EFHD1: variants seen among roughly 807,000 people sequenced by gnomAD.
EFHD1 encodes EF-hand domain family member D1, also known as EF-hand domain-containing protein D1.
EFHD1 carries 10 observed loss-of-function variants against 17.2 expected under a neutral mutation model. That is an observed-to-expected ratio of 0.58 (90% CI 0.36 to 0.99). The LOEUF is 0.99. Ranked by LOEUF, EFHD1 falls within the 50% of genes least tolerant of loss-of-function variation. EFHD1 has a pLI of 0.01. For synonymous variants in EFHD1, 153 were observed against 142.0 expected (o/e 1.08, Z -0.55); for missense variants, 310 against 327.5 (o/e 0.95, Z 0.41).
intron 2 of EFHD1, 43 bp downstream of exon 2, chr2:232,662,992 G>T: frequency 6.6e-7 from 1 of 1,513,864 alleles, no homozygotes; most frequent in South Asian, 1.4e-5. Flanking sequence ...GGGTGCCCCT[G>T]AGAGGACCTT....
chr2:232,653,677 G>A (rs1019185398), intron 1 of EFHD1, among the ~76,000 whole-genome samples: 1 of 152,190 alleles, frequency 6.6e-6, no homozygotes, highest in Admixed American at 6.5e-5. Flanking sequence ...AGCCCTGACT[G>A]AGCAGCTGGG....
At chr2:232,680,553 A>T (rs1018727604) in intron 3 of EFHD1, among the ~76,000 whole-genome samples, 1 of 152,172 alleles carries the variant, frequency 6.6e-6, no homozygotes, top group Non-Finnish European at 1.5e-5. Flanking sequence ...CTGTATTTTT[A>T]AAAATTATTA....
chr2:232,641,785 C>T (rs917968298), intron 1 of EFHD1, among the ~76,000 whole-genome samples: 5 of 152,358 alleles, frequency 3.3e-5, no homozygotes, highest in African/African-American at 4.8e-5. Flanking sequence ...TCTCACTTCT[C>T]GGCCTTTCCT....
intron 1 of EFHD1, among the ~76,000 whole-genome samples, chr2:232,641,616 T>C (rs193018474): frequency 1.3e-3 from 200 of 152,332 alleles, no homozygotes; most frequent in Non-Finnish European, 9.4e-4. Flanking sequence ...CATTGTGATA[T>C]GAAAGCAGCC....
intron 1 of EFHD1, among the ~76,000 whole-genome samples, chr2:232,640,293 G>C (rs1336106223): frequency 1.3e-5 from 2 of 152,096 alleles, no homozygotes; most frequent in Admixed American, 1.3e-4. Context: ...TTAGCATGGG[G>C]CTACATTATG....
At chr2:232,640,186 A>G (rs1694402797) in intron 1 of EFHD1, among the ~76,000 whole-genome samples, 2 of 152,198 alleles carry the variant, frequency 1.3e-5, no homozygotes, top group East Asian at 1.9e-4. Flanking sequence ...CTGCCAAGAC[A>G]TGGCCTTCCA....
At chr2:232,647,643 C>CTTTTTATTT (rs777862518) in intron 1 of EFHD1, among the ~76,000 whole-genome samples, 1 of 141,558 alleles carries the variant, frequency 7.1e-6, no homozygotes, top group Non-Finnish European at 1.5e-5. Flanking sequence ...CCTGTTAGAA[C>CTTTTTATTT]TTTTTTTTTT....
intron 1 of EFHD1, among the ~76,000 whole-genome samples, chr2:232,644,942 ATTTT>A (rs752790323): frequency 1.7e-5 from 2 of 114,374 alleles, no homozygotes; most frequent in Admixed American, 8.9e-5. Flanking sequence ...ATGCCTGGCA[ATTTT>A]TTTTTTTTTT....
In EFHD1 at chr2:232,643,116, G is replaced by C. The variant is rs1045858900; in HGVS notation, c.302+9110G>C. Among the ~76,000 whole-genome samples, 7 of 151,460 alleles carry C rather than the reference G, an allele frequency of 4.6e-5. No individual in the cohort carries two copies. In the South Asian group the frequency reaches 1.5e-3, roughly 32 times the overall value. On this transcript the variant is annotated intron_variant, in intron 1 of 3. Transcript: ENST00000264059. ...AGTTTCCCCGAGTCACATCAGCTGCGACAAAATCCAGAGGCAGGAAAGACC... is the reference window on the plus strand; with the variant it reads ...AGTTTCCCCGAGTCACATCAGCTGCCACAAAATCCAGAGGCAGGAAAGACC...
At chr2:232,632,648 C>T (rs952083311), upstream of EFHD1, among the ~76,000 whole-genome samples, 4 of 152,076 alleles carry the variant, frequency 2.6e-5, no homozygotes, top group Admixed American at 2.0e-4. Flanking sequence ...TTTTTAGAGC[C>T]AGGGTCTCAC....
intron 3 of EFHD1, among the ~76,000 whole-genome samples, chr2:232,673,725 A>G (rs1695120171): frequency 1.3e-5 from 2 of 152,054 alleles, no homozygotes; most frequent in Admixed American, 1.3e-4. Flanking sequence ...GTATAAATTA[A>G]CCCAGCTTTT....
intron 1 of EFHD1, among the ~76,000 whole-genome samples, chr2:232,653,661 G>A (rs1409741844): frequency 6.6e-6 from 1 of 152,194 alleles, no homozygotes; most frequent in African/African-American, 2.4e-5. Context: ...AGGAACAAAA[G>A]AAAGCAGCCC....
intron 1 of EFHD1, among the ~76,000 whole-genome samples, chr2:232,609,300 A>G (rs1034120411): frequency 6.6e-6 from 1 of 152,044 alleles, no homozygotes; most frequent in Non-Finnish European, 1.5e-5. Flanking sequence ...ACCTCAGGTG[A>G]TCTGCCTGCT....
At chr2:232,662,227 C>T (rs1694883424) in intron 1 of EFHD1, among the ~76,000 whole-genome samples, 1 of 152,066 alleles carries the variant, frequency 6.6e-6, no homozygotes, top group Admixed American at 6.5e-5. Context: ...GTAGACACGG[C>T]CGTTCAGAGC....
intron 1 of EFHD1, among the ~76,000 whole-genome samples, chr2:232,615,669 T>C (rs1034694605): frequency 6.7e-6 from 1 of 148,686 alleles, no homozygotes; most frequent in African/African-American, 2.5e-5. Flanking sequence ...AAAAATACAT[T>C]TTCTTTTTCT....
intron 2 of EFHD1, among the ~76,000 whole-genome samples, chr2:232,666,496 C>G (rs1317962332): frequency 6.6e-6 from 1 of 152,218 alleles, no homozygotes; most frequent in Admixed American, 6.5e-5. Flanking sequence ...TCGTGGCTTG[C>G]AATTGCCAAA....
chr2:232,628,983 G>A (rs13003774), upstream of EFHD1, among the ~76,000 whole-genome samples: 3,224 of 149,564 alleles, frequency 0.022, 48 homozygotes, highest in Non-Finnish European at 0.032. Context: ...GAGGCCACGT[G>A]TGGGTGTTTC....
intron 1 of EFHD1, among the ~76,000 whole-genome samples, chr2:232,643,836 C>G (rs535302005): frequency 2.0e-5 from 3 of 152,244 alleles, no homozygotes; most frequent in East Asian, 1.9e-4. Flanking sequence ...GGGCGTGCTA[C>G]CACGCCCAGC....
At chr2:232,607,524 G>A (rs904431530) in intron 1 of EFHD1, among the ~76,000 whole-genome samples, 1 of 151,774 alleles carries the variant, frequency 6.6e-6, no homozygotes, top group Admixed American at 6.6e-5. Flanking sequence ...AACCTGGGAG[G>A]CGGAGGCTGC....
Sources: allele counts gnomAD v4.1 joint callset (sites outside exome capture counted in the v4.1 genomes callset), GRCh38; gene constraint gnomAD v4.1.1; transcripts MANE v1.5; gene names NCBI Gene and HGNC (gene_info 2026-07-23, HGNC 2026-07-21).